Variants in DEPDC1B observed in about 807,000 individuals in gnomAD.
The protein encoded by DEPDC1B is DEP domain containing 1B, also known as DEP domain-containing protein 1B.
Under a neutral mutation model 66.5 loss-of-function variants are expected in DEPDC1B, and 51 were observed. The ratio of observed to expected loss-of-function variants is 0.77; its 90% confidence interval spans 0.61 to 0.97. DEPDC1B has a LOEUF of 0.97. DEPDC1B is among the 50% of genes least tolerant of loss of function. The pLI, the probability that DEPDC1B is intolerant of heterozygous loss-of-function variation, is 0.00. For synonymous variants in DEPDC1B, 226 were observed against 223.6 expected (o/e 1.01, Z -0.10); for missense variants, 552 against 637.1 (o/e 0.87, Z 1.44).
intron 7 of DEPDC1B, among the ~76,000 whole-genome samples, chr5:60,607,625 G>C (rs1347085900): frequency 6.6e-6 from 1 of 152,112 alleles, no homozygotes; most frequent in Non-Finnish European, 1.5e-5. Context: ...CAGGCAGAAA[G>C]ATGCTATGGA....
chr5:60,660,143 TAGAG>T (rs1753674373), intron 2 of DEPDC1B, among the ~76,000 whole-genome samples: 1 of 146,548 alleles, frequency 6.8e-6, no homozygotes, highest in Non-Finnish European at 1.5e-5. Flanking sequence ...TACAAGGAGA[TAGAG>T]AGGAGGAGAG....
In DEPDC1B at chr5:60,684,254, A is replaced by G. The variant is rs544683001; in HGVS notation, c.314+2708T>C. 1.4e-3 allele frequency among the ~76,000 whole-genome samples: 220 copies of G among 152,332 alleles called. 4 individuals are homozygous for G. The highest frequency in any genetic ancestry group is 6.8e-3 in the Middle Eastern group (2 of 294). ...TAGAGAACAGAAAAAAACAATCCTG[A>G]AATTTGTATGTATCCACAAAAGACC... On this transcript the variant is annotated intron_variant, in intron 2 of 10. Transcript: ENST00000265036.
chr5:60,665,788 G>A (rs377587487), intron 2 of DEPDC1B, among the ~76,000 whole-genome samples: 1 of 152,124 alleles, frequency 6.6e-6, no homozygotes, highest in African/African-American at 2.4e-5. Flanking sequence ...CTTTAAACAC[G>A]GGGCTTGTAA....
chr5:60,597,925 G>A lies in DEPDC1B; in HGVS notation c.1429-11C>T. On this transcript the variant is annotated splice_polypyrimidine_tract_variant and intron_variant, in intron 10 of 10. Transcript: ENST00000265036. ...ATAGGATTTCTGAAACTAAAAAAAT[G>A]AATGGTCCAAGAAGAGTAAAAAAAG... The A allele has an allele frequency of 6.3e-7, 1 of 1,590,170 alleles. No individual in the cohort carries two copies. The highest frequency in any genetic ancestry group is 8.5e-7 in the Non-Finnish European group (1 of 1,173,968).
chr5:60,640,003 T>C lies in DEPDC1B; in HGVS notation c.758-1113A>G, dbSNP rs77504442. ...AAAGGGGATCAAGCTAAAAAGGACA[T>C]TAAAGCATTCTGGGTCTTTACATTT... On this transcript the variant is annotated intron_variant, in intron 6 of 10. Coordinates refer to ENST00000265036, the MANE Select transcript of DEPDC1B (RefSeq NM_018369.3). Among the ~76,000 whole-genome samples the C allele has an allele frequency of 4.9e-4, 74 of 152,306 alleles. No homozygotes were observed. In the East Asian group the frequency reaches 0.012, roughly 25 times the overall value.
At chr5:60,696,615 GT>G (rs973689626) in intron 1 of DEPDC1B, among the ~76,000 whole-genome samples, 2 of 151,038 alleles carry the variant, frequency 1.3e-5, no homozygotes, top group East Asian at 3.9e-4. Context: ...AAGAGCTTGA[GT>G]TTTTTTTTCA....
At chr5:60,643,310 T>G (rs1177174461) in intron 5 of DEPDC1B, among the ~76,000 whole-genome samples, 1 of 152,232 alleles carries the variant, frequency 6.6e-6, no homozygotes, top group African/African-American at 2.4e-5. Context: ...ATTTTACATG[T>G]TTCCATTTTC....
chr5:60,681,927 T>A lies in DEPDC1B; in HGVS notation c.314+5035A>T, dbSNP rs368176378. Among the ~76,000 whole-genome samples the A allele has an allele frequency of 6.6e-5, 10 of 151,728 alleles. No homozygotes were observed. The East Asian group carries it at 1.9e-3, about 29-fold the overall frequency. ...ACCCAGCTCTGAATGAGAAATTTAA[T>A]AAAAAGATAGTTATAATTAAAAAGA... On this transcript the variant is annotated intron_variant, in intron 2 of 10. Transcript: ENST00000265036.
chr5:60,646,694 G>C (rs1264306898), intron 3 of DEPDC1B, among the ~76,000 whole-genome samples: 1 of 152,166 alleles, frequency 6.6e-6, no homozygotes, highest in Non-Finnish European at 1.5e-5. Flanking sequence ...AGCCTATAAG[G>C]AACCAGGCTG....
At chr5:60,672,262 C>G (rs1754058774) in intron 2 of DEPDC1B, among the ~76,000 whole-genome samples, 1 of 152,222 alleles carries the variant, frequency 6.6e-6, no homozygotes, top group Non-Finnish European at 1.5e-5. Context: ...TTACAGTAGA[C>G]TTGGTAAATA....
chr5:60,631,764 A>G (rs1752930547), intron 7 of DEPDC1B, among the ~76,000 whole-genome samples: 1 of 152,188 alleles, frequency 6.6e-6, no homozygotes, highest in Non-Finnish European at 1.5e-5. Context: ...CTACTATAAA[A>G]TAGTCAATCA....
intron 9 of DEPDC1B, among the ~76,000 whole-genome samples, chr5:60,599,896 AT>A (rs1302720612): frequency 4.1e-5 from 6 of 145,162 alleles, no homozygotes; most frequent in Admixed American, 2.1e-4. Flanking sequence ...AAGACCCCTG[AT>A]TTCCCACTCC....
intron 9 of DEPDC1B, 85 bp downstream of exon 9, chr5:60,603,306 A>G: frequency 7.8e-7 from 1 of 1,285,706 alleles, no homozygotes; most frequent in Non-Finnish European, 1.0e-6. Context: ...CTTAATCCTC[A>G]TAATAAAATG....
At chr5:60,612,298 C>T (rs1208718521) in intron 7 of DEPDC1B, among the ~76,000 whole-genome samples, 1 of 152,010 alleles carries the variant, frequency 6.6e-6, no homozygotes, top group Admixed American at 6.6e-5. Flanking sequence ...TGGCATGTGC[C>T]TGTCGTCCCA....
intron 5 of DEPDC1B, among the ~76,000 whole-genome samples, chr5:60,643,992 T>TA (rs1753252356): frequency 6.6e-6 from 1 of 152,192 alleles, no homozygotes; most frequent in African/African-American, 2.4e-5. Flanking sequence ...ATCATATTTT[T>TA]AAAAAGTCAA....
intron 2 of DEPDC1B, among the ~76,000 whole-genome samples, chr5:60,666,628 G>A (rs563804227): frequency 3.5e-4 from 53 of 152,122 alleles, no homozygotes; most frequent in Non-Finnish European, 6.6e-4. Context: ...CTGTCTTCAG[G>A]TCCCTCAGCC....
intron 7 of DEPDC1B, among the ~76,000 whole-genome samples, chr5:60,608,831 A>C (rs766766397): frequency 1.3e-5 from 2 of 152,186 alleles, no homozygotes; most frequent in Non-Finnish European, 2.9e-5. Context: ...AAATGAGGCT[A>C]GGCATGGTGG....
rs1455475662 is a variant in DEPDC1B at position 60,617,212 on chromosome 5, G to T, written c.899-11356C>A. Among the ~76,000 whole-genome samples, 3 of 152,280 alleles carry T rather than the reference G, an allele frequency of 2.0e-5. No homozygotes were observed. In the South Asian group the frequency reaches 6.2e-4, roughly 32 times the overall value. ...CAAATTGTAAAGACCATCGAGGCTA[G>T]GAAGAAACTGCATCAACTAACAGGC... On this transcript the variant is annotated intron_variant, in intron 7 of 10. Coordinates refer to ENST00000265036, the MANE Select transcript of DEPDC1B (RefSeq NM_018369.3).
chr5:60,642,653 G>A (rs1426910753), intron 6 of DEPDC1B, among the ~76,000 whole-genome samples, 159 bp downstream of exon 6: 1 of 152,130 alleles, frequency 6.6e-6, no homozygotes, highest in Non-Finnish European at 1.5e-5. Flanking sequence ...CTTTCACTAA[G>A]TCACAAATTT....
Sources: allele counts gnomAD v4.1 joint callset (sites outside exome capture counted in the v4.1 genomes callset), GRCh38; gene constraint gnomAD v4.1.1; transcripts MANE v1.5; gene names NCBI Gene and HGNC (gene_info 2026-07-23, HGNC 2026-07-21).